Variants in RIMS1 observed in about 807,000 individuals in gnomAD.
RIMS1 encodes the protein regulating synaptic membrane exocytosis protein 1.
Under a neutral mutation model 214.1 loss-of-function variants are expected in RIMS1, and 83 were observed. That is an observed-to-expected ratio of 0.39 (90% confidence interval 0.32 to 0.47). RIMS1 has a LOEUF of 0.47. Ranked by LOEUF, RIMS1 falls within the 20% of genes least tolerant of loss-of-function variation. RIMS1 has a pLI of 0.99. For missense variants in RIMS1, 2,050 were observed against 2,161.8 expected (o/e 0.95, Z 1.03); for synonymous variants, 793 against 786.8 (o/e 1.01, Z -0.13).
At chr6:72,377,828 G>T (rs146685648) in intron 29 of RIMS1, among the ~76,000 whole-genome samples, 4 of 152,128 alleles carry the variant, frequency 2.6e-5, no homozygotes, top group African/African-American at 9.6e-5. Flanking sequence ...TTGCCTTTAG[G>T]AGATCATCAA....
At chr6:71,913,938 C>G (rs567400997) in intron 1 of RIMS1, among the ~76,000 whole-genome samples, 1 of 152,116 alleles carries the variant, frequency 6.6e-6, no homozygotes, top group Non-Finnish European at 1.5e-5. Context: ...TATAGCACTA[C>G]TAACCAACTC....
At chr6:72,305,625 C>T (rs937253628) in intron 26 of RIMS1, among the ~76,000 whole-genome samples, 1 of 152,054 alleles carries the variant, frequency 6.6e-6, no homozygotes, top group African/African-American at 2.4e-5. Context: ...TTTTCAATAA[C>T]TGTCTCAGTT....
chr6:71,897,535 G>C (rs531732274), intron 1 of RIMS1, among the ~76,000 whole-genome samples: 32 of 152,244 alleles, frequency 2.1e-4, no homozygotes, highest in Non-Finnish European at 2.9e-5. Flanking sequence ...CTCTCCATCA[G>C]AAATATCCTT....
chr6:71,921,637 T>A (rs1780016264), intron 1 of RIMS1, among the ~76,000 whole-genome samples: 1 of 152,208 alleles, frequency 6.6e-6, no homozygotes, highest in South Asian at 2.1e-4. Context: ...AATTTGCTTA[T>A]GAAAAAGAGA....
At chr6:72,255,256 T>A (rs1450036307) in intron 16 of RIMS1, among the ~76,000 whole-genome samples, 5 of 152,188 alleles carry the variant, frequency 3.3e-5, no homozygotes, top group Non-Finnish European at 7.4e-5. Context: ...AGATGTTGGT[T>A]ACAAATTTGC....
At position 72,306,241 on chromosome 6, in the gene RIMS1, A is replaced by T. The variant is rs974738896; in HGVS notation, c.3851-1017A>T. ...CCAATAAGCAATTTTCCATACACAC[A>T]CACACGCATGCTCACACACACACAC... On this transcript the variant is annotated intron_variant, in intron 26 of 33. Coordinates refer to ENST00000521978, the MANE Select transcript of RIMS1 (RefSeq NM_014989.7). 3.3e-5 allele frequency among the ~76,000 whole-genome samples: 5 copies of T among 152,058 alleles called. No individual in the cohort carries two copies. In the South Asian group the frequency reaches 1.0e-3, roughly 32 times the overall value.
At chr6:72,093,784 G>T (rs188520181) in intron 2 of RIMS1, among the ~76,000 whole-genome samples, 23 of 150,718 alleles carry the variant, frequency 1.5e-4, no homozygotes, top group Admixed American at 1.1e-3. Flanking sequence ...TATTTTTTCC[G>T]CTACTGGTTT....
rs9446575 is a variant in RIMS1, at chr6:72,127,259, A to G, written c.471+27273A>G. On this transcript the variant is annotated intron_variant, in intron 4 of 33. Coordinates refer to ENST00000521978, the MANE Select transcript of RIMS1 (RefSeq NM_014989.7). The stretch of plus-strand genomic sequence containing the variant: ...AGCTTCAATTTACTTCACCAACTAT[A>G]TCTGCATTCTTCTTTCTCAGAGGCT... Among the ~76,000 whole-genome samples, 928 of 151,740 alleles carry G rather than the reference A, an allele frequency of 6.1e-3. 7 individuals carry two copies. The highest frequency in any genetic ancestry group is 0.021 in the Middle Eastern group (6 of 290).
intron 29 of RIMS1, among the ~76,000 whole-genome samples, chr6:72,345,665 C>A (rs778863247): frequency 6.6e-6 from 1 of 151,720 alleles, no homozygotes; most frequent in Admixed American, 6.6e-5. Context: ...TATAATCTTG[C>A]CTTTTTTCAC....
intron 26 of RIMS1, 120 bp from the exon 27 acceptor site, chr6:72,307,136 CAT>C (rs750971865): frequency 2.6e-5 from 17 of 649,708 alleles, no homozygotes; most frequent in East Asian, 8.3e-5. Context: ...ATTTATTAAT[CAT>C]GTGTTATTTC....
At chr6:72,183,533 C>A (rs373808453) in intron 6 of RIMS1, among the ~76,000 whole-genome samples, 5 of 135,264 alleles carry the variant, frequency 3.7e-5, no homozygotes, top group South Asian at 2.4e-4. Context: ...TAAAAAAAAA[C>A]CACATCAGTT....
chr6:71,914,785 A>G (rs1777850387), intron 1 of RIMS1, among the ~76,000 whole-genome samples: 1 of 152,126 alleles, frequency 6.6e-6, no homozygotes, highest in African/African-American at 2.4e-5. Context: ...CTCTTCAGGG[A>G]TAAATGGCCT....
intron 29 of RIMS1, among the ~76,000 whole-genome samples, chr6:72,348,860 AAAT>A (rs1355515222): frequency 9.2e-5 from 14 of 152,144 alleles, no homozygotes; most frequent in South Asian, 4.1e-4. Context: ...CATTTATGAG[AAAT>A]AATAATGATT....
chr6:72,289,227 A>C (rs1360885943), intron 24 of RIMS1, among the ~76,000 whole-genome samples: 4 of 152,204 alleles, frequency 2.6e-5, no homozygotes, highest in African/African-American at 9.6e-5. Flanking sequence ...TCCATTTGCG[A>C]GCCACGTTTA....
intron 2 of RIMS1, among the ~76,000 whole-genome samples, chr6:71,984,769 GTACATATC>G (rs754424400): frequency 0.04 from 5,027 of 124,712 alleles, 122 homozygotes; most frequent in Admixed American, 0.082. Context: ...ATGTATGTAT[GTACATATC>G]TATCTATCTA....
At chr6:72,234,635 A>C (rs943456697) in intron 7 of RIMS1, among the ~76,000 whole-genome samples, 6 of 152,030 alleles carry the variant, frequency 3.9e-5, no homozygotes, top group Admixed American at 1.3e-4. Flanking sequence ...GGTTTTTAAC[A>C]CATTTATAAT....
At chr6:72,228,142 C>A (rs1264408860) in intron 6 of RIMS1, among the ~76,000 whole-genome samples, 1 of 151,862 alleles carries the variant, frequency 6.6e-6, no homozygotes, top group Non-Finnish European at 1.5e-5. Context: ...TTATTATTAT[C>A]TTTTTTGTAA....
intron 6 of RIMS1, among the ~76,000 whole-genome samples, chr6:72,202,361 C>T (rs1009874832): frequency 2.6e-5 from 4 of 152,176 alleles, no homozygotes; most frequent in African/African-American, 9.7e-5. Context: ...CCAGGCCTTT[C>T]TCCCTGGTTT....
intron 20 of RIMS1, 100 bp downstream of exon 20, chr6:72,265,152 G>A: frequency 1.0e-5 from 7 of 678,672 alleles, no homozygotes; most frequent in South Asian, 4.3e-5. Context: ...ATATTAAATA[G>A]GAAATTTACA....
Sources: gnomAD v4.1 joint callset for allele counts (sites outside exome capture counted in the v4.1 genomes callset) on GRCh38, gnomAD v4.1.1 for gene constraint, MANE v1.5 for transcripts, NCBI Gene and HGNC (gene_info 2026-07-23, HGNC 2026-07-21) for gene names.